Variants in TSNARE1 observed in about 807,000 individuals in gnomAD.
TSNARE1 encodes t-SNARE domain containing 1.
In TSNARE1, 49 loss-of-function variants were observed where a neutral mutation model predicts 62.0. That is an observed-to-expected ratio of 0.79 (90% confidence interval 0.63 to 1.00). The LOEUF (loss-of-function observed/expected upper bound fraction) is 1.00, where lower values mean the gene tolerates loss of function less well. TSNARE1 is among the 50% of genes least tolerant of loss of function. TSNARE1 has a pLI of 0.00. For synonymous variants in TSNARE1, 328 were observed against 294.4 expected, an observed-to-expected ratio of 1.11 and a Z score of -1.17; for missense variants, 755 against 700.1, an observed-to-expected ratio of 1.08 and a Z score of -0.88.
At chr8:142,352,121 C>T (rs755500442) in intron 2 of TSNARE1, among the ~76,000 whole-genome samples, 52 of 152,340 alleles carry the variant, frequency 3.4e-4, no homozygotes, top group Admixed American at 9.1e-4. Flanking sequence ...GAAGCCGGCC[C>T]GGCCTGGATT....
chr8:142,276,658 G>A (rs1042067089), intron 11 of TSNARE1: 57 of 985,156 alleles, frequency 5.8e-5, no homozygotes, highest in Non-Finnish European at 6.9e-5. Context: ...GCCAAGCCCT[G>A]GACCCCACCC....
intron 12 of TSNARE1, among the ~76,000 whole-genome samples, chr8:142,237,808 C>T (rs565461188): frequency 9.2e-5 from 14 of 152,276 alleles, no homozygotes; most frequent in African/African-American, 2.9e-4. Context: ...CTCTCTCTCC[C>T]GAACCATGCT....
At chr8:142,394,195 C>T (rs1319988524) in intron 1 of TSNARE1, among the ~76,000 whole-genome samples, 6 of 152,202 alleles carry the variant, frequency 3.9e-5, no homozygotes, top group South Asian at 4.1e-4. Flanking sequence ...CCTCTCACAC[C>T]GGTTAAGGTG....
chr8:142,247,003 C>T (rs1241019750), intron 12 of TSNARE1, among the ~76,000 whole-genome samples: 1 of 152,242 alleles, frequency 6.6e-6, no homozygotes, highest in Admixed American at 6.5e-5. Flanking sequence ...TCTGTGCCTG[C>T]CAGGTGCTGC....
chr8:142,339,182 C>T (rs1306194972), intron 4 of TSNARE1, among the ~76,000 whole-genome samples: 3 of 152,112 alleles, frequency 2.0e-5, no homozygotes, highest in African/African-American at 2.4e-5. Flanking sequence ...CAAGGAGAAA[C>T]GGAGTACCCC....
intron 12 of TSNARE1, among the ~76,000 whole-genome samples, chr8:142,250,852 G>C (rs1427922814): frequency 6.6e-6 from 1 of 152,222 alleles, no homozygotes; most frequent in Non-Finnish European, 1.5e-5. Flanking sequence ...TTGAACGCAG[G>C]AGCCGACGGA....
intron 5 of TSNARE1, 126 bp from the exon 6 acceptor site, chr8:142,331,096 G>A (rs1830963733): frequency 3.8e-6 from 3 of 790,274 alleles, no homozygotes; most frequent in Non-Finnish European, 6.2e-6. Flanking sequence ...GCTTGAGCCA[G>A]GGCAGACCAC....
At chr8:142,320,596 C>T (rs532094361) in intron 6 of TSNARE1, among the ~76,000 whole-genome samples, 78 of 152,348 alleles carry the variant, frequency 5.1e-4, no homozygotes, top group African/African-American at 1.8e-3. Flanking sequence ...GTTCACTTCA[C>T]TCCTGGCCCA....
intron 1 of TSNARE1, among the ~76,000 whole-genome samples, chr8:142,380,745 G>A (rs937919198): frequency 6.6e-6 from 1 of 152,166 alleles, no homozygotes; most frequent in East Asian, 1.9e-4. Context: ...AGGAGAAAAC[G>A]CTCCAGGAAA....
intron 1 of TSNARE1, among the ~76,000 whole-genome samples, chr8:142,378,892 G>C (rs1357783464): frequency 6.6e-6 from 1 of 152,176 alleles, no homozygotes; most frequent in Non-Finnish European, 1.5e-5. Context: ...CTGAGTGTGA[G>C]CTCCTCTGAG....
intron 12 of TSNARE1, among the ~76,000 whole-genome samples, chr8:142,237,250 C>T (rs1817480453): frequency 6.6e-6 from 1 of 152,238 alleles, no homozygotes; most frequent in Non-Finnish European, 1.5e-5. Context: ...GGGGCTGAGG[C>T]TTCCTCTGCC....
intron 12 of TSNARE1, among the ~76,000 whole-genome samples, chr8:142,257,315 C>T (rs1818632577): frequency 6.6e-6 from 1 of 152,182 alleles, no homozygotes; most frequent in African/African-American, 2.4e-5. Context: ...AGGTCCTCTG[C>T]AGGGCCGGTG....
At chr8:142,304,574 C>G (rs1586686335) in intron 9 of TSNARE1, among the ~76,000 whole-genome samples, 1 of 152,214 alleles carries the variant, frequency 6.6e-6, no homozygotes, top group East Asian at 1.9e-4. Context: ...TGTGAGGGCT[C>G]AGGAACACTG....
At chr8:142,236,918 G>A (rs1484582966) in intron 12 of TSNARE1, among the ~76,000 whole-genome samples, 1 of 152,204 alleles carries the variant, frequency 6.6e-6, no homozygotes, top group African/African-American at 2.4e-5. Context: ...CGGTCATGAT[G>A]AGGAAAATGG....
intron 1 of TSNARE1, among the ~76,000 whole-genome samples, chr8:142,358,807 G>A (rs530322353): frequency 5.9e-5 from 9 of 152,154 alleles, no homozygotes; most frequent in East Asian, 1.9e-4. Context: ...AGACCACAAG[G>A]GGCCATGGGG....
intron 1 of TSNARE1, among the ~76,000 whole-genome samples, chr8:142,365,637 G>GAC (rs1439182088): frequency 4.5e-5 from 6 of 133,280 alleles, no homozygotes; most frequent in African/African-American, 1.6e-4. Flanking sequence ...CACACACAGA[G>GAC]AGAGAGAGGG....
chr8:142,342,447 T>A (rs558012431), intron 4 of TSNARE1, among the ~76,000 whole-genome samples: 2 of 152,132 alleles, frequency 1.3e-5, no homozygotes, highest in East Asian at 1.9e-4. Flanking sequence ...TCCCAGCCAA[T>A]GTCTTGAGGG....
intron 9 of TSNARE1, among the ~76,000 whole-genome samples, chr8:142,313,027 T>A (rs868306128): frequency 1.3e-5 from 2 of 152,378 alleles, no homozygotes; most frequent in Middle Eastern, 3.4e-3. Context: ...TGGGTGTCTA[T>A]CTGCATGTGT....
intron 9 of TSNARE1, among the ~76,000 whole-genome samples, chr8:142,304,724 A>C (rs545121634): frequency 6.6e-6 from 1 of 152,366 alleles, no homozygotes; most frequent in East Asian, 1.9e-4. Flanking sequence ...AGGCTGCAGC[A>C]TACAGCAGAG....
Sources: allele counts gnomAD v4.1 joint callset (sites outside exome capture counted in the v4.1 genomes callset), GRCh38; gene constraint gnomAD v4.1.1; transcripts MANE v1.5; gene names NCBI Gene and HGNC (gene_info 2026-07-23, HGNC 2026-07-21).